The following CNBD2 variants were observed in gnomAD, a reference collection of about 807,000 sequenced individuals.
The protein encoded by CNBD2 is cyclic nucleotide-binding domain-containing protein 2.
A neutral mutation model predicts 63.7 loss-of-function variants in CNBD2; 64 were observed. The observed-to-expected ratio is 1.00, with a 90% CI of 0.82 to 1.24. The LOEUF (loss-of-function observed/expected upper bound fraction) is 1.24. CNBD2 is among the 50% of genes most tolerant of loss of function. The probability of loss-of-function intolerance (pLI) is 0.00; values close to 1 mark genes in which losing one functional copy is unlikely to be tolerated. For missense variants in CNBD2, 691 were observed against 713.5 expected (o/e 0.97, Z 0.36); for synonymous variants, 229 against 255.4 (o/e 0.90, Z 0.99).
chr20:36,010,118 G>A (rs905077368), intron 9 of CNBD2, among the ~76,000 whole-genome samples: 1 of 152,146 alleles, frequency 6.6e-6, no homozygotes, highest in African/African-American at 2.4e-5. Flanking sequence ...AGACTGAAGA[G>A]CAGAAGAGGA....
At chr20:35,962,868 A>G (rs775854850) in intron 2 of CNBD2, among the ~76,000 whole-genome samples, 8 of 152,160 alleles carry the variant, frequency 5.3e-5, no homozygotes, top group Non-Finnish European at 1.0e-4. Flanking sequence ...TTTTAGTGTC[A>G]GTGTTCTCAG....
chr20:36,025,618 T>C (rs903360033), intron 11 of CNBD2, among the ~76,000 whole-genome samples: 1 of 150,990 alleles, frequency 6.6e-6, no homozygotes, highest in African/African-American at 2.5e-5. Flanking sequence ...TTATTAAAAA[T>C]AAATATGTAT....
chr20:35,978,365 G>T (rs1321674349), intron 3 of CNBD2, among the ~76,000 whole-genome samples: 1 of 144,228 alleles, frequency 6.9e-6, no homozygotes, highest in East Asian at 2.0e-4. Flanking sequence ...TTTTTTTTGA[G>T]ACGGAGTCGA....
intron 9 of CNBD2, among the ~76,000 whole-genome samples, chr20:36,010,360 A>G (rs2057041272): frequency 1.3e-5 from 2 of 151,938 alleles, no homozygotes; most frequent in Non-Finnish European, 2.9e-5. Context: ...CGTTATGGAT[A>G]ATCCTTCTGA....
chr20:35,962,398 ACAGG>A (rs2056315814), intron 2 of CNBD2, among the ~76,000 whole-genome samples: 1 of 151,780 alleles, frequency 6.6e-6, no homozygotes, highest in Non-Finnish European at 1.5e-5. Flanking sequence ...AGCTGGGACT[ACAGG>A]CGCCCACCAC....
At chr20:35,975,308 TTTTA>T (rs1427941194) in intron 2 of CNBD2, among the ~76,000 whole-genome samples, 2 of 122,182 alleles carry the variant, frequency 1.6e-5, no homozygotes, top group East Asian at 2.2e-4. Flanking sequence ...GCCTCTTTTT[TTTTA>T]TTTTTTGAGA....
rs745462618 is a variant in CNBD2 at position 35,987,375 on chromosome 20, C to A, written c.717-20C>A. On this transcript the variant is annotated intron_variant, in intron 6 of 11. Coordinates refer to ENST00000373973, the MANE Select transcript of CNBD2 (RefSeq NM_001365709.1). ...CCTTGTGTGATGGAGTTGATGAATT[C>A]TAACAGGCTCTTCCCACAGGAAGAT... is the stretch of plus-strand genomic sequence containing the variant. The A allele has an allele frequency of 6.2e-7, 1 of 1,613,802 alleles. No homozygotes were observed. The highest frequency in any genetic ancestry group is 1.7e-5 in the Admixed American group (1 of 60,024).
upstream of CNBD2, among the ~76,000 whole-genome samples, chr20:35,965,721 C>G (rs1172534585): frequency 1.8e-4 from 28 of 152,180 alleles, no homozygotes. Context: ...CACCTCCTTG[C>G]AGATAATTGA....
chr20:36,023,260 C>A (rs1162061840), intron 10 of CNBD2, among the ~76,000 whole-genome samples: 1 of 152,158 alleles, frequency 6.6e-6, no homozygotes, highest in Non-Finnish European at 1.5e-5. Context: ...CACGGTGGCT[C>A]ACGCCTGTAA....
At chr20:35,984,453 A>G (rs1206099409) in intron 5 of CNBD2, among the ~76,000 whole-genome samples, 174 bp from the exon 6 acceptor site, 5 of 152,230 alleles carry the variant, frequency 3.3e-5, no homozygotes, top group Non-Finnish European at 1.5e-5. Context: ...GATTAAGAAG[A>G]AGGGGAGTGG....
chr20:35,975,093 C>T (rs1187691956), intron 2 of CNBD2: 1 of 142,100 alleles, frequency 7.0e-6, no homozygotes, highest in Non-Finnish European at 1.5e-5. Context: ...GCTCCGCCTC[C>T]CGGGTTCACG....
chr20:35,994,108 C>CT (rs1169712274), intron 7 of CNBD2, among the ~76,000 whole-genome samples: 1 of 151,550 alleles, frequency 6.6e-6, no homozygotes, highest in East Asian at 1.9e-4. Flanking sequence ...TCTTGTTGCC[C>CT]AGGCTGCAGT....
downstream of CNBD2, among the ~76,000 whole-genome samples, chr20:35,959,717 G>A (rs986706002): frequency 2.0e-5 from 3 of 152,210 alleles, no homozygotes; most frequent in Admixed American, 1.3e-4. Context: ...ATCTGTGTAT[G>A]TGTGATACTT....
At chr20:35,990,662 A>G (rs1387449386) in intron 7 of CNBD2, among the ~76,000 whole-genome samples, 1 of 151,766 alleles carries the variant, frequency 6.6e-6, no homozygotes, top group Non-Finnish European at 1.5e-5. Flanking sequence ...AATAAAAGCT[A>G]TTATCTGGCT....
intron 10 of CNBD2, among the ~76,000 whole-genome samples, chr20:36,014,745 C>A (rs1049430544): frequency 6.6e-6 from 1 of 152,036 alleles, no homozygotes; most frequent in East Asian, 1.9e-4. Context: ...AATCCTCTCA[C>A]CTCAGTATTC....
At chr20:36,015,938 C>A (rs762832578) in intron 10 of CNBD2, among the ~76,000 whole-genome samples, 27 of 152,100 alleles carry the variant, frequency 1.8e-4, no homozygotes, top group Non-Finnish European at 3.4e-4. Flanking sequence ...TACAGTATGG[C>A]AAGGGGGGAA....
intron 7 of CNBD2, among the ~76,000 whole-genome samples, chr20:35,988,329 G>A (rs956465405): frequency 6.6e-6 from 1 of 151,836 alleles, no homozygotes; most frequent in Non-Finnish European, 1.5e-5. Context: ...ACCATGCCTG[G>A]CTAATTTTTT....
At chr20:36,015,279 G>A (rs1245547749) in intron 10 of CNBD2, among the ~76,000 whole-genome samples, 1 of 152,158 alleles carries the variant, frequency 6.6e-6, no homozygotes, top group Non-Finnish European at 1.5e-5. Context: ...CTTATCAGAT[G>A]TACGGCTTGC....
At chr20:35,963,505 A>ATGG (rs1228176903) in intron 2 of CNBD2, among the ~76,000 whole-genome samples, 9 of 151,894 alleles carry the variant, frequency 5.9e-5, no homozygotes, top group African/African-American at 2.2e-4. Context: ...GCCAGGCACG[A>ATGG]TGGTGGGTGC....
Sources: gnomAD v4.1 joint callset for allele counts (sites outside exome capture counted in the v4.1 genomes callset) on GRCh38, gnomAD v4.1.1 for gene constraint, MANE v1.5 for transcripts, NCBI Gene and HGNC (gene_info 2026-07-23, HGNC 2026-07-21) for gene names.